Variants in GTPBP4 observed in about 807,000 individuals in gnomAD.
GTPBP4 encodes the protein GTP-binding protein 4.
GTPBP4 carries 15 observed loss-of-function variants against 81.7 expected under a neutral mutation model. That is an observed-to-expected ratio of 0.18 (90% CI 0.12 to 0.28). The LOEUF (loss-of-function observed/expected upper bound fraction) is 0.28, where lower values mean the gene tolerates loss of function less well. Among genes scored for constraint, GTPBP4 ranks in the 10% least tolerant of loss-of-function variants. GTPBP4 has a pLI of 1.00. For synonymous variants in GTPBP4, 272 were observed against 274.6 expected, an observed-to-expected ratio of 0.99 and a Z score of 0.09; for missense variants, 847 against 793.8, an observed-to-expected ratio of 1.07 and a Z score of -0.81.
At position 996,235 on chromosome 10, in the gene GTPBP4, G is replaced by A; in HGVS notation, c.453G>A (p.Leu151=). 6.2e-7 allele frequency: 1 copy of A among 1,611,634 alleles called. No homozygotes were observed. The part of the protein sequence containing the change: ...IKRQKQSLEY[L]EQVRQHLSRL... The stretch of plus-strand genomic sequence containing the variant: ...GGCAGAAGCAGAGTTTGGAGTATTT[G>A]GAGCAAGGTGCTTGTCACGCATCCG... Residue 151 remains leucine (L), a synonymous_variant, in exon 4 of 17, where the codon TTG becomes TTA. Coordinates refer to ENST00000360803, the MANE Select transcript of GTPBP4 (RefSeq NM_012341.3).
chr10:1,010,125 GTTGTTTTGGGATGGTGGGGTGATT>G (rs1831825716), intron 12 of GTPBP4, among the ~76,000 whole-genome samples: 1 of 102,100 alleles, frequency 9.8e-6, no homozygotes, highest in Non-Finnish European at 2.2e-5. Context: ...GTTGTTTCCT[GTTGTTTTGGGATGGTGGGGTGATT>G]TCTGTAGCTT....
rs112645534 is a variant in GTPBP4, at chr10:1,004,515, TC to T, written c.913-1302del. On this transcript the variant is annotated intron_variant, in intron 8 of 16. Coordinates refer to ENST00000360803, the MANE Select transcript of GTPBP4 (RefSeq NM_012341.3). ...GCCTGGGCCTGAGGGTTGTGACTCT[TC>T]TGGGCGCCCCAGGCACCGTTGCCCT... Among the ~76,000 whole-genome samples, 466 of 152,196 alleles carry T rather than the reference TC, an allele frequency of 3.1e-3. 2 individuals are homozygous for T. Among genetic ancestry groups the T allele is most frequent in the African/African-American group, 0.01 (418 of 41,520 alleles).
intron 2 of GTPBP4, among the ~76,000 whole-genome samples, chr10:994,672 T>G (rs920977025): frequency 6.6e-5 from 10 of 152,198 alleles, no homozygotes; most frequent in Non-Finnish European, 1.3e-4. Flanking sequence ...TGGTTCTTTT[T>G]AAGAAGTTTT....
rs1241448450 is a variant in GTPBP4, at chr10:1,019,869, TAATGTAAAAC to T, written c.*2644_*2653del. On this transcript the variant is annotated 3_prime_UTR_variant, in exon 17 of 17. Transcript: ENST00000360803. ...GAAATTGGTGCAGTGTTAACAACGCTAATGTAAAACACAGAATTTACAGAAAAATAGAGAA... is the reference window on the plus strand; with the variant it reads ...GAAATTGGTGCAGTGTTAACAACGCTACAGAATTTACAGAAAAATAGAGAA... The T allele has an allele frequency of 7.0e-7, 1 of 1,423,718 alleles. No individual in the cohort carries two copies. The highest frequency in any genetic ancestry group is 1.7e-5 in the Admixed American group (1 of 58,202). The allele number at this position is 1,423,718 out of a possible 1,614,324, so 88.2% of individuals were successfully genotyped here.
chr10:1,004,781 G>T (rs974857213), intron 8 of GTPBP4, among the ~76,000 whole-genome samples: 1 of 152,194 alleles, frequency 6.6e-6, no homozygotes, highest in Non-Finnish European at 1.5e-5. Flanking sequence ...CTGGCTTGGG[G>T]ATGTTGGGCC....
intron 10 of GTPBP4, chr10:1,007,898 G>T (rs565894272): frequency 1.9e-6 from 1 of 517,244 alleles, no homozygotes; most frequent in Admixed American, 1.9e-5. Context: ...AGTTCTTTAG[G>T]CTGTTTATCT....
rs144343889 is a variant in GTPBP4, at chr10:1,015,783, C to T, written c.1639C>T (p.Arg547Trp). Residue 547 changes from arginine to tryptophan, a missense_variant, in exon 16 of 17, where the codon CGG becomes TGG. Coordinates refer to ENST00000360803, the MANE Select transcript of GTPBP4 (RefSeq NM_012341.3). ...TTACGCAGTCCAGGCAAGAAGATCC[C>T]GGAGCATCACTAGGAAAAGAAAGCG... is the stretch of plus-strand genomic sequence containing the variant. ...AHYAVQARRS[R>W]SITRKRKRED... 8.7e-6 allele frequency: 14 copies of T among 1,613,972 alleles called. No individual in the cohort carries two copies. The highest frequency in any genetic ancestry group is 4.0e-5 in the African/African-American group (3 of 74,934).
At chr10:1,001,200 G>T (rs1032723884) in intron 8 of GTPBP4, among the ~76,000 whole-genome samples, 187 bp downstream of exon 8, 3 of 152,150 alleles carry the variant, frequency 2.0e-5, no homozygotes, top group Admixed American at 6.5e-5. Context: ...AAACTAAAAC[G>T]AAAACATAAG....
intron 10 of GTPBP4, 106 bp from the exon 11 acceptor site, chr10:1,008,852 T>C (rs1233483422): frequency 1.2e-6 from 1 of 855,834 alleles, no homozygotes. Context: ...TGGGTATGGT[T>C]TTCTGTTCCC....
Position 1,017,830 on chromosome 10 carries a change from C to T in GTPBP4, c.*603C>T, listed in dbSNP as rs948715527. On this transcript the variant is annotated 3_prime_UTR_variant, in exon 17 of 17. Coordinates refer to ENST00000360803, the MANE Select transcript of GTPBP4 (RefSeq NM_012341.3). Reference sequence around the variant, plus strand: ...TGGGGGAGTAAAATGTTGCTGGAGGCATTAGGCAATTAAATATGGGCATTC... The same window carrying T: ...TGGGGGAGTAAAATGTTGCTGGAGGTATTAGGCAATTAAATATGGGCATTC... The T allele has an allele frequency of 2.6e-5, 4 of 152,216 alleles. No homozygotes were observed. Among genetic ancestry groups the T allele is most frequent in the African/African-American group, 9.6e-5 (4 of 41,466 alleles). The allele number at this position is 152,216 out of a possible 1,614,324, so 9.4% of individuals were successfully genotyped here.
rs754187618 is a variant in GTPBP4 at position 1,007,136 on chromosome 10, G to A, written c.1113+8G>A. On this transcript the variant is annotated splice_region_variant and intron_variant, in intron 10 of 16. Coordinates refer to ENST00000360803, the MANE Select transcript of GTPBP4 (RefSeq NM_012341.3). ...ACCAGGAGGGACGATAAGGTAAGACGGCCCCTGGGACAGCCGTGGGCTCAC... is the reference window on the plus strand; with the variant it reads ...ACCAGGAGGGACGATAAGGTAAGACAGCCCCTGGGACAGCCGTGGGCTCAC... 1.8e-5 allele frequency: 27 copies of A among 1,477,230 alleles called. No homozygotes were observed. Among genetic ancestry groups the A allele is most frequent in the South Asian group, 3.4e-5 (3 of 88,258 alleles). 91.5% of individuals were successfully genotyped at this position (1,477,230 alleles called of 1,614,324 possible).
intron 8 of GTPBP4, among the ~76,000 whole-genome samples, chr10:1,004,174 A>G (rs1440403421): frequency 1.3e-5 from 2 of 151,598 alleles, no homozygotes; most frequent in Admixed American, 6.6e-5. Context: ...CTCAAGGGGA[A>G]CTCTGGACCC....
intron 1 of GTPBP4, among the ~76,000 whole-genome samples, chr10:990,059 A>G (rs1831415391): frequency 6.6e-6 from 1 of 152,186 alleles, no homozygotes; most frequent in South Asian, 2.1e-4. Context: ...TTTCGAGTGC[A>G]GGAGTCATGT....
chr10:992,096 T>C (rs1373355439), intron 1 of GTPBP4, among the ~76,000 whole-genome samples: 2 of 151,368 alleles, frequency 1.3e-5, no homozygotes, highest in Non-Finnish European at 2.9e-5. Flanking sequence ...CTGTAAGATA[T>C]TAGTGTTTTA....
At chr10:1,016,010 T>A in intron 16 of GTPBP4, 114 bp downstream of exon 16, 1 of 931,288 alleles carries the variant, frequency 1.1e-6, no homozygotes, top group Non-Finnish European at 1.7e-6. Flanking sequence ...AGGGGTTGTG[T>A]GTACTGCATG....
At chr10:991,788 C>T (rs1445979527) in intron 1 of GTPBP4, among the ~76,000 whole-genome samples, 8 of 147,072 alleles carry the variant, frequency 5.4e-5, no homozygotes, top group Admixed American at 1.4e-4. Context: ...CTCCGCCTCC[C>T]GGGTTCACGC....
chr10:1,002,224 A>G (rs1831648175), intron 8 of GTPBP4, among the ~76,000 whole-genome samples: 2 of 152,298 alleles, frequency 1.3e-5, no homozygotes, highest in African/African-American at 4.8e-5. Context: ...CGCCTGGCCT[A>G]CAGTGCACTT....
At position 991,712 on chromosome 10, in the gene GTPBP4, T is replaced by G. The variant is rs954218316; in HGVS notation, c.49-777T>G. Reference sequence around the variant, plus strand: ...ATCTTTTTTTTTTTTTTTTTTTTTTTTGAGACGGAGTCTCGCTCTGTCGCC... The same window carrying G: ...ATCTTTTTTTTTTTTTTTTTTTTTTGTGAGACGGAGTCTCGCTCTGTCGCC... On this transcript the variant is annotated intron_variant, in intron 1 of 16. Coordinates refer to ENST00000360803, the MANE Select transcript of GTPBP4 (RefSeq NM_012341.3). Among the ~76,000 whole-genome samples the G allele has an allele frequency of 2.9e-4, 42 of 144,708 alleles. No individual in the cohort carries two copies. In the East Asian group the frequency reaches 7.9e-3, roughly 27 times the overall value. The allele number at this position is 144,708 out of a possible 152,430, so 94.9% of individuals were successfully genotyped here.
In GTPBP4 at chr10:1,015,378, A is replaced by AGC; in HGVS notation, c.1609-374_1609-373dup. 2.2e-5 allele frequency among the ~76,000 whole-genome samples: 3 copies of AGC among 139,506 alleles called. 1 individual carries two copies. Among genetic ancestry groups the AGC allele is most frequent in the African/African-American group, 8.9e-5 (3 of 33,842 alleles). The allele number at this position is 139,506 out of a possible 152,430, so 91.5% of individuals were successfully genotyped here. On this transcript the variant is annotated intron_variant, in intron 15 of 16. Coordinates refer to ENST00000360803, the MANE Select transcript of GTPBP4 (RefSeq NM_012341.3). ...GCCTGGGTGCGGGGCTGGGGTCCTG[A>AGC]GCTCTGAGCCTGGGAGTGGACCTGG...
Sources: allele counts gnomAD v4.1 joint callset (sites outside exome capture counted in the v4.1 genomes callset), GRCh38; gene constraint gnomAD v4.1.1; transcripts MANE v1.5; gene names NCBI Gene and HGNC (gene_info 2026-07-23, HGNC 2026-07-21).